Variants in CLVS2 observed in about 807,000 individuals in gnomAD.
CLVS2 encodes the protein clavesin 2, also known as clavesin-2.
Under a neutral mutation model 29.0 loss-of-function variants are expected in CLVS2, and 19 were observed. The observed-to-expected ratio is 0.66, with a 90% confidence interval of 0.46 to 0.96. The LOEUF (loss-of-function observed/expected upper bound fraction) is 0.96. Among genes scored for constraint, CLVS2 ranks in the 40% least tolerant of loss-of-function variants. The pLI, the probability that CLVS2 is intolerant of heterozygous loss-of-function variation, is 0.00. For missense variants in CLVS2, 294 were observed against 404.1 expected, an observed-to-expected ratio of 0.73 and a Z score of 2.34; for synonymous variants, 161 against 151.3, an observed-to-expected ratio of 1.06 and a Z score of -0.47.
At chr6:123,046,859 A>G (rs1455458027) in intron 3 of CLVS2, among the ~76,000 whole-genome samples, 2 of 152,146 alleles carry the variant, frequency 1.3e-5, no homozygotes, top group Non-Finnish European at 2.9e-5. Context: ...TGAACTCTCA[A>G]GAATGTGAGA....
intron 3 of CLVS2, among the ~76,000 whole-genome samples, chr6:123,031,782 C>G (rs1172691815): frequency 6.6e-6 from 1 of 151,454 alleles, no homozygotes; most frequent in African/African-American, 2.4e-5. Context: ...TATTGGAAGT[C>G]TACCAGTAGT....
Position 123,066,869 on chromosome 6 carries a change from G to A in CLVS2, c.*3108G>A, listed in dbSNP as rs887132024. 7 of 150,928 alleles carry A rather than the reference G, an allele frequency of 4.6e-5. No individual in the cohort carries two copies. The East Asian group carries it at 1.4e-3, about 29-fold the overall frequency. The allele number at this position is 150,928 out of a possible 1,614,324, so 9.3% of individuals were successfully genotyped here. ...AGAAGGATATTTAAGGCCTTTATTT[G>A]AACATACTCATACAGTATTAAGTCT... On this transcript the variant is annotated 3_prime_UTR_variant, in exon 6 of 6. Coordinates refer to ENST00000275162, the MANE Select transcript of CLVS2 (RefSeq NM_001010852.4).
At chr6:123,042,402 T>C (rs1346634971) in intron 3 of CLVS2, among the ~76,000 whole-genome samples, 2 of 152,202 alleles carry the variant, frequency 1.3e-5, no homozygotes, top group African/African-American at 2.4e-5. Flanking sequence ...TTCTACACAA[T>C]TCCTTGCATC....
chr6:123,010,906 T>C lies in CLVS2; in HGVS notation c.390-79T>C. On this transcript the variant is annotated intron_variant, in intron 2 of 5. Transcript: ENST00000275162. ...CTGAAGGTATTTTAAAGTGAATTTTTAGTGTGCTAGAAAATATTTTATAGC... is the reference window on the plus strand; with the variant it reads ...CTGAAGGTATTTTAAAGTGAATTTTCAGTGTGCTAGAAAATATTTTATAGC... The C allele has an allele frequency of 3.2e-6, 3 of 926,024 alleles. No individual in the cohort carries two copies. The Admixed American group carries it at 9.0e-5, about 28-fold the overall frequency. The allele number at this position is 926,024 out of a possible 1,614,324, so 57.4% of individuals were successfully genotyped here. A position where few individuals can be genotyped will look rare whatever the true frequency, so the allele number is the denominator to read the frequency against.
intron 3 of CLVS2, among the ~76,000 whole-genome samples, chr6:123,031,686 G>T (rs542283975): frequency 1.6e-4 from 25 of 152,072 alleles, no homozygotes; most frequent in Non-Finnish European, 3.5e-4. Context: ...GGGGGAAAAA[G>T]AATACAATGA....
chr6:123,043,249 T>C (rs1316743711), intron 3 of CLVS2, among the ~76,000 whole-genome samples: 1 of 152,214 alleles, frequency 6.6e-6, no homozygotes, highest in Non-Finnish European at 1.5e-5. Context: ...TGTCTTCCTC[T>C]GGTTGGTAAA....
chr6:122,997,771 C>T lies in CLVS2; in HGVS notation c.-7C>T, dbSNP rs1376974568. On this transcript the variant is annotated 5_prime_UTR_variant, in exon 2 of 6. Coordinates refer to ENST00000275162, the MANE Select transcript of CLVS2 (RefSeq NM_001010852.4). ...TTCTGAGGGAAAGCTCAGAGATAGG[C>T]AGAACAATGACTCATTTGCAAGCCG... 3 of 1,612,188 alleles carry T rather than the reference C, an allele frequency of 1.9e-6. No homozygotes were observed.
Position 123,066,272 on chromosome 6 carries a change from A to G in CLVS2, c.*2511A>G, listed in dbSNP as rs539698290. ...CACATCCTATGTCTATGAATAACCT[A>G]TACACTATAGTTGTATGCCTATAAG... On this transcript the variant is annotated 3_prime_UTR_variant, in exon 6 of 6. Coordinates refer to ENST00000275162, the MANE Select transcript of CLVS2 (RefSeq NM_001010852.4). The G allele has an allele frequency of 1.3e-5, 2 of 151,830 alleles. No individual in the cohort carries two copies. The highest frequency in any genetic ancestry group is 4.8e-5 in the African/African-American group (2 of 41,490). The allele number at this position is 151,830 out of a possible 1,614,324, so 9.4% of individuals were successfully genotyped here.
chr6:123,056,476 G>C (rs1327984559), intron 5 of CLVS2, among the ~76,000 whole-genome samples: 2 of 152,168 alleles, frequency 1.3e-5, no homozygotes, highest in East Asian at 1.9e-4. Context: ...AAATCATGCA[G>C]TATTTTTCCA....
At position 123,072,492 on chromosome 6, in the gene CLVS2, C is replaced by A. The variant is rs1440233440; in HGVS notation, c.*8731C>A. ...AGAAGAGACTAATGATTCTTGCTCACAAACAAGGCAGAATTTCCTTATGTT... is the reference window on the plus strand; with the variant it reads ...AGAAGAGACTAATGATTCTTGCTCAAAAACAAGGCAGAATTTCCTTATGTT... On this transcript the variant is annotated 3_prime_UTR_variant, in exon 6 of 6. Coordinates refer to ENST00000275162, the MANE Select transcript of CLVS2 (RefSeq NM_001010852.4). 1 of 152,078 alleles carries A rather than the reference C, an allele frequency of 6.6e-6. No homozygotes were observed. Among genetic ancestry groups the A allele is most frequent in the African/African-American group, 2.4e-5 (1 of 41,436 alleles). 9.4% of individuals were successfully genotyped at this position (152,078 alleles called of 1,614,324 possible). A position where few individuals can be genotyped will look rare whatever the true frequency, so the allele number is the denominator to read the frequency against.
rs544390621 is a variant in CLVS2, at chr6:123,007,128, G to T, written c.390-3857G>T. ...CCTCACAATAATTCTATGAAGTTAAGATTAAGTGGTTAAAAAGTACAAAAA... is the reference window on the plus strand; with the variant it reads ...CCTCACAATAATTCTATGAAGTTAATATTAAGTGGTTAAAAAGTACAAAAA... On this transcript the variant is annotated intron_variant, in intron 2 of 5. Transcript: ENST00000275162. 2.6e-5 allele frequency among the ~76,000 whole-genome samples: 4 copies of T among 152,220 alleles called. No homozygotes were observed. The South Asian group carries it at 8.3e-4, about 32-fold the overall frequency.
chr6:123,015,169 T>C (rs979370675), intron 3 of CLVS2, among the ~76,000 whole-genome samples: 2 of 151,656 alleles, frequency 1.3e-5, no homozygotes, highest in African/African-American at 4.8e-5. Flanking sequence ...GAATGGGAAA[T>C]GAATTGAGGA....
Position 122,997,582 on chromosome 6 carries a change from G to GCCCC in CLVS2, c.-192_-189dup. 1 of 610,912 alleles carries GCCCC rather than the reference G, an allele frequency of 1.6e-6. No homozygotes were observed. Among genetic ancestry groups the GCCCC allele is most frequent in the Non-Finnish European group, 2.9e-6 (1 of 342,898 alleles). The allele number at this position is 610,912 out of a possible 1,614,324, so 37.8% of individuals were successfully genotyped here. A position where few individuals can be genotyped will look rare whatever the true frequency, so the allele number is the denominator to read the frequency against. On this transcript the variant is annotated 5_prime_UTR_variant, in exon 2 of 6. The change abolishes the stop of an existing upstream ORF in the 5' untranslated region. Transcript: ENST00000275162. The stretch of plus-strand genomic sequence containing the variant: ...CAGAGGAAGAAGTTTACACCCCCCG[G>GCCCC]CCCCCCCAGCTTTGCTGGGGGAAAG...
chr6:123,039,085 G>A (rs1331037198), intron 3 of CLVS2, among the ~76,000 whole-genome samples: 1 of 152,096 alleles, frequency 6.6e-6, no homozygotes, highest in Non-Finnish European at 1.5e-5. Context: ...CCTGATGTAG[G>A]CAGCAGTGTC....
intron 3 of CLVS2, among the ~76,000 whole-genome samples, chr6:123,037,390 G>A (rs920918307): frequency 6.6e-6 from 1 of 151,942 alleles, no homozygotes; most frequent in African/African-American, 2.4e-5. Context: ...CTCAGATTTG[G>A]GCTCTGGTTA....
rs1446850338 is a variant in CLVS2 at position 123,064,599 on chromosome 6, T to TA, written c.*840dup. 1 of 151,930 alleles carries TA rather than the reference T, an allele frequency of 6.6e-6. No homozygotes were observed. Among genetic ancestry groups the TA allele is most frequent in the Non-Finnish European group, 1.5e-5 (1 of 67,874 alleles). 9.4% of individuals were successfully genotyped at this position (151,930 alleles called of 1,614,324 possible). ...CTCATGTGAACAGTGTTCTGACAGC[T>TA]AATTTTGAACATAAAATTTTCCACT... On this transcript the variant is annotated 3_prime_UTR_variant, in exon 6 of 6. Transcript: ENST00000275162.
At chr6:123,005,570 C>A (rs1398027002) in intron 2 of CLVS2, among the ~76,000 whole-genome samples, 3 of 152,122 alleles carry the variant, frequency 2.0e-5, no homozygotes, top group African/African-American at 7.2e-5. Context: ...AGGGATATGA[C>A]CTATTTGTCA....
intron 5 of CLVS2, among the ~76,000 whole-genome samples, chr6:123,057,296 C>T (rs565638149): frequency 6.7e-6 from 1 of 149,992 alleles, no homozygotes; most frequent in Non-Finnish European, 1.5e-5. Flanking sequence ...ATAGCTCTGA[C>T]TCATGGAGTA....
At chr6:123,055,297 A>G (rs1173989998) in intron 4 of CLVS2, among the ~76,000 whole-genome samples, 1 of 128,650 alleles carries the variant, frequency 7.8e-6, no homozygotes, top group Non-Finnish European at 1.6e-5. Context: ...TAAAACAGTA[A>G]TTTAGTGGTT....
Sources: allele counts gnomAD v4.1 joint callset (sites outside exome capture counted in the v4.1 genomes callset), GRCh38; gene constraint gnomAD v4.1.1; transcripts MANE v1.5; gene names NCBI Gene and HGNC (gene_info 2026-07-23, HGNC 2026-07-21).